The following CACNA2D3 variants were observed in gnomAD, a reference collection of about 807,000 sequenced individuals.
The protein encoded by CACNA2D3 is voltage-dependent calcium channel subunit alpha-2/delta-3.
A neutral mutation model predicts 160.6 loss-of-function variants in CACNA2D3; 60 were observed. That is an observed-to-expected ratio of 0.37 (90% CI 0.30 to 0.46). The LOEUF (loss-of-function observed/expected upper bound fraction) is 0.46. CACNA2D3 is among the 20% of genes least tolerant of loss of function. CACNA2D3 has a pLI of 1.00. For synonymous variants in CACNA2D3, 558 were observed against 492.9 expected (o/e 1.13, Z -1.75); for missense variants, 1,205 against 1,365.0 (o/e 0.88, Z 1.85).
chr3:54,735,701 C>G (rs1701482797), intron 11 of CACNA2D3, among the ~76,000 whole-genome samples: 1 of 151,946 alleles, frequency 6.6e-6, no homozygotes, highest in Non-Finnish European at 1.5e-5. Context: ...TGGATATCAT[C>G]TATATGGAGT....
intron 2 of CACNA2D3, among the ~76,000 whole-genome samples, chr3:54,198,868 T>G (rs1293693855): frequency 6.6e-6 from 1 of 152,266 alleles, no homozygotes; most frequent in Non-Finnish European, 1.5e-5. Flanking sequence ...CCACGGATTT[T>G]TCTGTGCTGA....
chr3:54,275,131 C>G (rs954686882), intron 2 of CACNA2D3, among the ~76,000 whole-genome samples: 2 of 152,216 alleles, frequency 1.3e-5, no homozygotes, highest in Non-Finnish European at 2.9e-5. Context: ...CTTTATATGT[C>G]TAATGAGATC....
intron 5 of CACNA2D3, among the ~76,000 whole-genome samples, chr3:54,550,540 T>A (rs1444138257): frequency 6.6e-6 from 1 of 152,246 alleles, no homozygotes; most frequent in East Asian, 1.9e-4. Flanking sequence ...GATGATACAG[T>A]TCTGTCTATT....
At chr3:54,390,846 A>G (rs964669988) in intron 4 of CACNA2D3, among the ~76,000 whole-genome samples, 8 of 152,176 alleles carry the variant, frequency 5.3e-5, no homozygotes, top group African/African-American at 1.9e-4. Flanking sequence ...TCAATTGTTA[A>G]TCTGGGTTCT....
intron 35 of CACNA2D3, among the ~76,000 whole-genome samples, chr3:55,066,855 C>T (rs1287627433): frequency 1.3e-5 from 2 of 152,070 alleles, no homozygotes; most frequent in Non-Finnish European, 2.9e-5. Context: ...CCTTTTTTGG[C>T]CCCCAGGCAA....
At chr3:54,256,281 T>C (rs939660553) in intron 2 of CACNA2D3, among the ~76,000 whole-genome samples, 1 of 152,330 alleles carries the variant, frequency 6.6e-6, no homozygotes, top group East Asian at 1.9e-4. Context: ...CTCTGACTGC[T>C]GATTAATATG....
chr3:54,523,344 T>TAAAC (rs1701676558), intron 5 of CACNA2D3, among the ~76,000 whole-genome samples: 2 of 152,178 alleles, frequency 1.3e-5, no homozygotes, highest in African/African-American at 4.8e-5. Context: ...GTGTATTAGA[T>TAAAC]TAATTGATTT....
chr3:55,058,807 C>A (rs1704429927), intron 35 of CACNA2D3, among the ~76,000 whole-genome samples: 1 of 152,098 alleles, frequency 6.6e-6, no homozygotes. Context: ...GCTCTGAGGC[C>A]AAATGGCCTG....
At chr3:54,689,300 A>G (rs1700528208) in intron 11 of CACNA2D3, among the ~76,000 whole-genome samples, 1 of 151,988 alleles carries the variant, frequency 6.6e-6, no homozygotes, top group Non-Finnish European at 1.5e-5. Context: ...TCCAGCCTAC[A>G]TGCTCCAGGC....
At chr3:54,871,182 GACACACACACACAC>G (rs376258511) in intron 17 of CACNA2D3, among the ~76,000 whole-genome samples, 20 of 127,708 alleles carry the variant, frequency 1.6e-4, no homozygotes, top group South Asian at 4.7e-4. Context: ...TATAGGTGGA[GACACACACACACAC>G]ACACACACAC....
chr3:54,752,307 G>A (rs950050898), intron 11 of CACNA2D3, among the ~76,000 whole-genome samples: 9 of 152,182 alleles, frequency 5.9e-5, no homozygotes, highest in Admixed American at 1.3e-4. Context: ...TATGTGTGGA[G>A]CAAGCCCAGG....
intron 2 of CACNA2D3, among the ~76,000 whole-genome samples, chr3:54,305,866 T>C (rs59771891): frequency 0.088 from 13,379 of 152,264 alleles, 828 homozygotes; most frequent in South Asian, 0.14. Flanking sequence ...GACTTTGTCA[T>C]CAACAGAAAT....
chr3:54,345,021 G>A (rs375816742), intron 3 of CACNA2D3, among the ~76,000 whole-genome samples: 1 of 152,190 alleles, frequency 6.6e-6, no homozygotes, highest in African/African-American at 2.4e-5. Flanking sequence ...CCATGGCAAC[G>A]ACAGGAAGTT....
chr3:54,479,555 T>C (rs9846473), intron 4 of CACNA2D3, among the ~76,000 whole-genome samples: 8,934 of 152,202 alleles, frequency 0.059, 922 homozygotes, highest in African/African-American at 0.21. Flanking sequence ...ATATTTTCCT[T>C]ATTTTAAATT....
intron 2 of CACNA2D3, among the ~76,000 whole-genome samples, chr3:54,296,179 A>G (rs867531994): frequency 5.3e-5 from 8 of 152,210 alleles, no homozygotes; most frequent in African/African-American, 1.9e-4. Flanking sequence ...GCACTGGGGT[A>G]AGAGATGGAT....
intron 11 of CACNA2D3, among the ~76,000 whole-genome samples, chr3:54,673,552 A>G (rs934088004): frequency 6.6e-6 from 1 of 152,196 alleles, no homozygotes; most frequent in African/African-American, 2.4e-5. Context: ...AAGTCTCAAA[A>G]ACTTAGATGA....
chr3:54,576,469 A>G (rs1702584021), intron 8 of CACNA2D3, among the ~76,000 whole-genome samples: 1 of 152,162 alleles, frequency 6.6e-6, no homozygotes, highest in Non-Finnish European at 1.5e-5. Context: ...TAAGATTCTC[A>G]TTGATCACTT....
intron 2 of CACNA2D3, among the ~76,000 whole-genome samples, chr3:54,180,759 T>C (rs1308974491): frequency 6.6e-6 from 1 of 152,242 alleles, no homozygotes; most frequent in East Asian, 1.9e-4. Flanking sequence ...GCCCTGCTGA[T>C]ATCCTGGGAT....
At chr3:54,368,905 G>A (rs1235015066) in intron 3 of CACNA2D3, among the ~76,000 whole-genome samples, 2 of 151,656 alleles carry the variant, frequency 1.3e-5, no homozygotes, top group African/African-American at 4.8e-5. Context: ...GTTTCATTGT[G>A]TTAGCCAGGA....
Sources: allele counts gnomAD v4.1 joint callset (sites outside exome capture counted in the v4.1 genomes callset), GRCh38; gene constraint gnomAD v4.1.1; transcripts MANE v1.5; gene names NCBI Gene and HGNC (gene_info 2026-07-23, HGNC 2026-07-21).